The following PLPP1 variants were observed in gnomAD, a reference collection of about 807,000 sequenced individuals.
The protein encoded by PLPP1 is lipid phosphate phosphohydrolase 1a.
Under a neutral mutation model 31.2 loss-of-function variants are expected in PLPP1, and 24 were observed. The observed-to-expected ratio is 0.77, with a 90% CI of 0.56 to 1.08. The LOEUF is 1.08. PLPP1 is among the 50% of genes least tolerant of loss of function. PLPP1 has a pLI of 0.00. For synonymous variants in PLPP1, 146 were observed against 126.3 expected, an observed-to-expected ratio of 1.16 and a Z score of -1.05; for missense variants, 319 against 342.7, an observed-to-expected ratio of 0.93 and a Z score of 0.55.
chr5:55,446,882 C>T (rs569672844), intron 3 of PLPP1, among the ~76,000 whole-genome samples: 2 of 152,310 alleles, frequency 1.3e-5, no homozygotes, highest in East Asian at 1.9e-4. Context: ...CCGGCCTCAG[C>T]CTTTATATCT....
At chr5:55,461,009 C>T (rs1045694905) in intron 3 of PLPP1, among the ~76,000 whole-genome samples, 1 of 152,044 alleles carries the variant, frequency 6.6e-6, no homozygotes, top group African/African-American at 2.4e-5. Flanking sequence ...ACAGGTGAAA[C>T]CCTGTCTCTA....
intron 1 of PLPP1, among the ~76,000 whole-genome samples, chr5:55,512,725 C>CACACACACAT (rs71600886): frequency 2.0e-5 from 3 of 150,784 alleles, no homozygotes; most frequent in Admixed American, 6.6e-5. Context: ...TTATAAACTA[C>CACACACACAT]ACACACACAC....
At chr5:55,447,053 ATG>A (rs1264839442) in intron 3 of PLPP1, among the ~76,000 whole-genome samples, 1 of 152,204 alleles carries the variant, frequency 6.6e-6, no homozygotes, top group Non-Finnish European at 1.5e-5. Flanking sequence ...AAACACTTAA[ATG>A]TGTTTCAAGA....
chr5:55,428,328 C>T (rs1561218798), intron 4 of PLPP1, among the ~76,000 whole-genome samples: 1 of 152,218 alleles, frequency 6.6e-6, no homozygotes, highest in Admixed American at 6.5e-5. Flanking sequence ...TGTGCCCATA[C>T]TGCGTTTCCC....
intron 5 of PLPP1, 88 bp from the exon 6 acceptor site, chr5:55,425,422 T>TAAAC: frequency 1.6e-6 from 2 of 1,237,044 alleles, no homozygotes; most frequent in Non-Finnish European, 2.3e-6. Flanking sequence ...AAGATAAATA[T>TAAAC]AAACAAAAGG....
chr5:55,531,556 T>C (rs1561261183), intron 1 of PLPP1, among the ~76,000 whole-genome samples: 1 of 152,254 alleles, frequency 6.6e-6, no homozygotes, highest in Non-Finnish European at 1.5e-5. Flanking sequence ...CCTGCACTTA[T>C]GAAGTGCTTA....
chr5:55,498,298 T>A (rs1421946921), intron 1 of PLPP1, among the ~76,000 whole-genome samples: 2 of 151,946 alleles, frequency 1.3e-5, no homozygotes, highest in Non-Finnish European at 2.9e-5. Flanking sequence ...GTTAAGGGCC[T>A]GAAACAAAGA....
rs1375896344 is a variant in PLPP1 at position 55,493,854 on chromosome 5, TG to T, written c.59-18405del. Among the ~76,000 whole-genome samples the T allele has an allele frequency of 1.9e-3, 268 of 143,624 alleles. 2 individuals are homozygous for T. The highest frequency in any genetic ancestry group is 1.3e-3 in the Non-Finnish European group (86 of 66,868). 94.2% of individuals were successfully genotyped at this position (143,624 alleles called of 152,430 possible). On this transcript the variant is annotated intron_variant, in intron 1 of 5. Coordinates refer to ENST00000307259, the MANE Select transcript of PLPP1 (RefSeq NM_003711.4). ...GAGATCGCGCCACTGTACTCCAGCC[TG>T]GGCGACAGAGCGAGACTCCATCTCA...
chr5:55,426,650 C>T (rs1281963035), intron 4 of PLPP1, among the ~76,000 whole-genome samples: 5 of 152,176 alleles, frequency 3.3e-5, no homozygotes, highest in Non-Finnish European at 5.9e-5. Flanking sequence ...TCAAGTAACC[C>T]GCCTGCATTG....
Position 55,445,194 on chromosome 5 carries a change from C to T in PLPP1, c.492-3286G>A, listed in dbSNP as rs562312075. ...GCATTCATAGCCATCTGCCTGCATC[C>T]GCCTGCCCCCATGCATGTGAGTTCC... On this transcript the variant is annotated intron_variant, in intron 3 of 5. Transcript: ENST00000307259. Among the ~76,000 whole-genome samples, 4 of 152,270 alleles carry T rather than the reference C, an allele frequency of 2.6e-5. No individual in the cohort carries two copies. In the East Asian group the frequency reaches 5.8e-4, roughly 22 times the overall value.
intron 1 of PLPP1, among the ~76,000 whole-genome samples, chr5:55,533,543 G>A (rs1740758954): frequency 6.6e-6 from 1 of 152,140 alleles, no homozygotes; most frequent in Admixed American, 6.5e-5. Flanking sequence ...AAAACCGAGG[G>A]AATCTCCTGT....
chr5:55,468,954 G>T (rs1016137200), intron 2 of PLPP1, among the ~76,000 whole-genome samples: 13 of 152,124 alleles, frequency 8.5e-5, no homozygotes, highest in Admixed American at 5.9e-4. Flanking sequence ...AATCATTTCA[G>T]GGAGGATTGC....
chr5:55,526,914 A>C (rs967024661), intron 1 of PLPP1, among the ~76,000 whole-genome samples: 1 of 132,990 alleles, frequency 7.5e-6, no homozygotes, highest in East Asian at 2.2e-4. Context: ...CCTGGGCGAC[A>C]GAGCGAGATT....
At chr5:55,483,985 ATCAT>A (rs1000583335) in intron 1 of PLPP1, among the ~76,000 whole-genome samples, 9 of 152,212 alleles carry the variant, frequency 5.9e-5, no homozygotes, top group African/African-American at 2.2e-4. Context: ...GATAAAGTTC[ATCAT>A]TAATAGACAG....
chr5:55,501,436 G>C (rs570023596), intron 1 of PLPP1, among the ~76,000 whole-genome samples: 10 of 152,160 alleles, frequency 6.6e-5, no homozygotes, highest in Non-Finnish European at 1.5e-4. Context: ...TACTTTTGGC[G>C]ATTTTCCCTC....
At chr5:55,515,964 A>C (rs1195960527) in intron 1 of PLPP1, among the ~76,000 whole-genome samples, 2 of 152,010 alleles carry the variant, frequency 1.3e-5, no homozygotes, top group South Asian at 4.2e-4. Flanking sequence ...TTTCAAAAAC[A>C]TCTTAAACTT....
intron 1 of PLPP1, among the ~76,000 whole-genome samples, chr5:55,481,309 C>T (rs1318289153): frequency 6.6e-6 from 1 of 152,186 alleles, no homozygotes; most frequent in East Asian, 1.9e-4. Context: ...GCGAAAATTA[C>T]AAAACTGCCT....
intron 4 of PLPP1, among the ~76,000 whole-genome samples, chr5:55,427,509 G>C (rs915202288): frequency 1.3e-5 from 2 of 152,146 alleles, no homozygotes; most frequent in Non-Finnish European, 2.9e-5. Context: ...ATCAAAAATA[G>C]CAACTCTAGA....
rs536223412 is a variant in PLPP1, at chr5:55,500,613, A to G, written c.59-25163T>C. 2.7e-5 allele frequency among the ~76,000 whole-genome samples: 4 copies of G among 148,742 alleles called. No homozygotes were observed. The East Asian group carries it at 7.9e-4, about 29-fold the overall frequency. On this transcript the variant is annotated intron_variant, in intron 1 of 5. Transcript: ENST00000307259. The stretch of plus-strand genomic sequence containing the variant: ...TATAATAAAACAAAAGACCAAAATC[A>G]TCACATTTGAAGTTTTATTCTGTGG...
Sources: allele counts gnomAD v4.1 joint callset (sites outside exome capture counted in the v4.1 genomes callset), GRCh38; gene constraint gnomAD v4.1.1; transcripts MANE v1.5; gene names NCBI Gene and HGNC (gene_info 2026-07-23, HGNC 2026-07-21).